The following NALF1 variants were observed in gnomAD, a reference collection of about 807,000 sequenced individuals.
NALF1 encodes family with sequence similarity 155 member A.
A neutral mutation model predicts 48.4 loss-of-function variants in NALF1; 3 were observed. The observed-to-expected ratio is 0.06, with a 90% CI of 0.03 to 0.16. The LOEUF (loss-of-function observed/expected upper bound fraction) is 0.16, where lower values mean the gene tolerates loss of function less well. Ranked by LOEUF, NALF1 falls within the 10% of genes least tolerant of loss-of-function variation. NALF1 has a pLI of 1.00. For synonymous variants in NALF1, 262 were observed against 245.7 expected, an observed-to-expected ratio of 1.07 and a Z score of -0.62; for missense variants, 526 against 571.5, an observed-to-expected ratio of 0.92 and a Z score of 0.81.
intron 1 of NALF1, among the ~76,000 whole-genome samples, chr13:107,236,648 ACTAT>A (rs1001832586): frequency 6.6e-6 from 1 of 151,892 alleles, no homozygotes; most frequent in Non-Finnish European, 1.5e-5. Flanking sequence ...TAATTATGGC[ACTAT>A]CTATCTATCC....
At chr13:107,507,128 G>A (rs902785620) in intron 1 of NALF1, among the ~76,000 whole-genome samples, 12 of 152,040 alleles carry the variant, frequency 7.9e-5, no homozygotes, top group African/African-American at 2.9e-4. Flanking sequence ...ATTCAACATT[G>A]AATGGAGATA....
At chr13:107,431,816 G>A (rs568665899) in intron 1 of NALF1, among the ~76,000 whole-genome samples, 58 of 152,214 alleles carry the variant, frequency 3.8e-4, no homozygotes, top group Non-Finnish European at 7.1e-4. Flanking sequence ...AAAGGCCATT[G>A]TATGTAGTGA....
At chr13:107,347,185 G>C (rs1320221392) in intron 1 of NALF1, among the ~76,000 whole-genome samples, 1 of 152,138 alleles carries the variant, frequency 6.6e-6, no homozygotes, top group Non-Finnish European at 1.5e-5. Context: ...CTTTACTTTT[G>C]CCAGACTCTT....
chr13:107,409,215 C>A (rs1022022397), intron 1 of NALF1, among the ~76,000 whole-genome samples: 3 of 152,118 alleles, frequency 2.0e-5, no homozygotes, highest in Non-Finnish European at 4.4e-5. Flanking sequence ...AATTCAACAT[C>A]ATTTATTTAT....
chr13:107,553,036 A>T (rs937316326), intron 1 of NALF1, among the ~76,000 whole-genome samples: 1 of 152,178 alleles, frequency 6.6e-6, no homozygotes, highest in African/African-American at 2.4e-5. Context: ...TAAGATTTAC[A>T]GGCTCAGCTC....
intron 1 of NALF1, among the ~76,000 whole-genome samples, chr13:107,380,295 C>A (rs183818011): frequency 6.6e-6 from 1 of 151,980 alleles, no homozygotes; most frequent in Non-Finnish European, 1.5e-5. Context: ...CTTTATATTG[C>A]GTATTTTTCA....
chr13:107,752,692 C>T (rs1198445196), intron 1 of NALF1, among the ~76,000 whole-genome samples: 2 of 152,068 alleles, frequency 1.3e-5, no homozygotes, highest in Admixed American at 6.6e-5. Context: ...TTTCTAAGCC[C>T]TTCCAAAGAG....
At chr13:107,412,576 T>C (rs926715695) in intron 1 of NALF1, among the ~76,000 whole-genome samples, 1 of 152,204 alleles carries the variant, frequency 6.6e-6, no homozygotes, top group African/African-American at 2.4e-5. Flanking sequence ...AGTAAATTGC[T>C]TGCTATATTT....
At chr13:107,634,598 A>G (rs1340905455) in intron 1 of NALF1, among the ~76,000 whole-genome samples, 15 of 152,172 alleles carry the variant, frequency 9.9e-5, no homozygotes. Flanking sequence ...CAAAGGATTC[A>G]GAAAACCAGA....
intron 1 of NALF1, among the ~76,000 whole-genome samples, chr13:107,379,507 T>A (rs1043771076): frequency 1.1e-4 from 17 of 152,172 alleles, no homozygotes; most frequent in Non-Finnish European, 2.4e-4. Context: ...AAGTCTGAGA[T>A]GCAAGTTGGG....
rs200464410 is a variant in NALF1 at position 107,232,685 on chromosome 13, GC to G, written c.916-21931del. Reference sequence around the variant, plus strand: ...TCTAGGCTGAAATGATGAGGCACTTGCTTGGGCTGGATGCGGAAGACTCAGA... The same window carrying G: ...TCTAGGCTGAAATGATGAGGCACTTGTTGGGCTGGATGCGGAAGACTCAGA... On this transcript the variant is annotated intron_variant, in intron 1 of 2. Coordinates refer to ENST00000375915, the MANE Select transcript of NALF1 (RefSeq NM_001080396.3). Among the ~76,000 whole-genome samples, 1,457 of 152,236 alleles carry G rather than the reference GC, an allele frequency of 9.6e-3. 25 individuals carry two copies. Among genetic ancestry groups the G allele is most frequent in the African/African-American group, 0.034 (1,399 of 41,538 alleles).
At position 107,536,493 on chromosome 13, in the gene NALF1, G is replaced by A. The variant is rs546958451; in HGVS notation, c.916-325738C>T. On this transcript the variant is annotated intron_variant, in intron 1 of 2. Transcript: ENST00000375915. ...ACATGAAAAAATGCTCATCATCACT[G>A]GCCATCAGAGAAATGCAAATCAAAA... 2.8e-3 allele frequency among the ~76,000 whole-genome samples: 420 copies of A among 152,244 alleles called. 3 individuals are homozygous for A. Among genetic ancestry groups the A allele is most frequent in the African/African-American group, 9.8e-3 (407 of 41,538 alleles).
chr13:107,581,932 G>A (rs1878323742), intron 1 of NALF1, among the ~76,000 whole-genome samples: 2 of 152,078 alleles, frequency 1.3e-5, no homozygotes, highest in Admixed American at 6.6e-5. Flanking sequence ...AGCCTATGGT[G>A]ATCATTCCCA....
chr13:107,196,195 G>A (rs546411152), intron 2 of NALF1, among the ~76,000 whole-genome samples: 7 of 152,126 alleles, frequency 4.6e-5, no homozygotes, highest in Non-Finnish European at 1.0e-4. Flanking sequence ...AATAACTAAT[G>A]GGTACTAGGC....
intron 1 of NALF1, among the ~76,000 whole-genome samples, chr13:107,672,947 T>C (rs972890146): frequency 6.6e-6 from 1 of 152,140 alleles, no homozygotes; most frequent in Non-Finnish European, 1.5e-5. Context: ...CTTTCATTGG[T>C]TCTCCCTTTG....
At chr13:107,730,132 C>T (rs150597633) in intron 1 of NALF1, among the ~76,000 whole-genome samples, 34 of 152,294 alleles carry the variant, frequency 2.2e-4, no homozygotes, top group African/African-American at 8.2e-4. Context: ...AATGAAAGGG[C>T]ATATCTGCAA....
At chr13:107,227,607 T>C (rs914348072) in intron 1 of NALF1, among the ~76,000 whole-genome samples, 1 of 152,230 alleles carries the variant, frequency 6.6e-6, no homozygotes, top group African/African-American at 2.4e-5. Context: ...TATGCCTTGA[T>C]AGACAAGAAA....
chr13:107,480,867 C>A (rs1164549998), intron 1 of NALF1, among the ~76,000 whole-genome samples: 3 of 152,042 alleles, frequency 2.0e-5, no homozygotes, highest in Admixed American at 6.6e-5. Context: ...TCGACTAAAT[C>A]TCTAATTTTA....
At chr13:107,801,660 T>TA (rs1367993638) in intron 1 of NALF1, among the ~76,000 whole-genome samples, 1 of 152,220 alleles carries the variant, frequency 6.6e-6, no homozygotes, top group Admixed American at 6.5e-5. Context: ...ATATGTGCCC[T>TA]ATATTGCTGA....
Sources: gnomAD v4.1 joint callset for allele counts (sites outside exome capture counted in the v4.1 genomes callset) on GRCh38, gnomAD v4.1.1 for gene constraint, MANE v1.5 for transcripts, NCBI Gene and HGNC (gene_info 2026-07-23, HGNC 2026-07-21) for gene names.